Variants in FAM167A observed in about 807,000 individuals in gnomAD.
FAM167A encodes the protein family with sequence similarity 167 member A, also known as protein FAM167A.
Under a neutral mutation model 14.9 loss-of-function variants are expected in FAM167A, and 23 were observed. That is an observed-to-expected ratio of 1.55 (90% CI 1.11 to 2.19). The LOEUF (loss-of-function observed/expected upper bound fraction) is 2.19. Ranked by LOEUF, FAM167A falls within the 30% of genes most tolerant of loss-of-function variation. FAM167A has a pLI of 0.00. For missense variants in FAM167A, 401 were observed against 281.5 expected, an observed-to-expected ratio of 1.42 and a Z score of -3.04; for synonymous variants, 174 against 117.7, an observed-to-expected ratio of 1.48 and a Z score of -3.10.
chr8:11,457,195 G>T (rs1160782265), intron 1 of FAM167A, among the ~76,000 whole-genome samples: 2 of 151,824 alleles, frequency 1.3e-5, no homozygotes, highest in Admixed American at 1.3e-4. Flanking sequence ...TTTTCTCCAA[G>T]CACCCCTGTG....
chr8:11,435,547 C>CACGGCTGG (rs759109310), intron 2 of FAM167A, among the ~76,000 whole-genome samples: 22 of 152,180 alleles, frequency 1.4e-4, no homozygotes, highest in African/African-American at 3.4e-4. Context: ...TACCTGTCTC[C>CACGGCTGG]ACGGCTGGGA....
chr8:11,447,912 T>C (rs535304051), intron 1 of FAM167A, among the ~76,000 whole-genome samples: 2 of 152,308 alleles, frequency 1.3e-5, no homozygotes, highest in East Asian at 1.9e-4. Flanking sequence ...GTTCTAAGAA[T>C]TGGCCGGGCG....
intron 1 of FAM167A, among the ~76,000 whole-genome samples, chr8:11,456,188 A>G (rs910938886): frequency 0.12 from 429 of 3,468 alleles, 6 homozygotes; most frequent in South Asian, 0.25. Context: ...GTGTGTGTGA[A>G]TGTGGGGGGT....
At chr8:11,443,583 A>C (rs1806572147) in intron 2 of FAM167A, 1 of 175,598 alleles carries the variant, frequency 5.7e-6, no homozygotes, top group Non-Finnish European at 1.2e-5. Flanking sequence ...CCATGGAGCC[A>C]CCCGGCCAGC....
intron 2 of FAM167A, among the ~76,000 whole-genome samples, chr8:11,424,880 T>C (rs1229064724): frequency 1.3e-5 from 2 of 152,202 alleles, no homozygotes; most frequent in African/African-American, 2.4e-5. Flanking sequence ...CTGAAAGACA[T>C]GCATATTGGT....
intron 2 of FAM167A, among the ~76,000 whole-genome samples, chr8:11,439,274 G>A (rs1806272535): frequency 6.6e-6 from 1 of 152,254 alleles, no homozygotes; most frequent in African/African-American, 2.4e-5. Flanking sequence ...TTCCCTAGAT[G>A]GGGGGTATCA....
At chr8:11,469,528 A>C (rs1031303411), upstream of FAM167A, among the ~76,000 whole-genome samples, 2 of 152,168 alleles carry the variant, frequency 1.3e-5, no homozygotes, top group African/African-American at 4.8e-5. Flanking sequence ...TGCATGAGAC[A>C]TTGCCTCTTA....
At position 11,422,987 on chromosome 8, in the gene FAM167A, G is replaced by C. The variant is rs1304386247; in HGVS notation, c.*1386C>G. 1.3e-5 allele frequency: 2 copies of C among 152,622 alleles called. No individual in the cohort carries two copies. Among genetic ancestry groups the C allele is most frequent in the African/African-American group, 4.8e-5 (2 of 41,432 alleles). The allele number at this position is 152,622 out of a possible 1,614,324, so 9.5% of individuals were successfully genotyped here. A position where few individuals can be genotyped will look rare whatever the true frequency, so the allele number is the denominator to read the frequency against. ...TTGGCAAAGCATCACGACCATCTTT[G>C]GGGTTCAAGTTCATTGACATGTGAT... On this transcript the variant is annotated 3_prime_UTR_variant, in exon 3 of 3. Coordinates refer to ENST00000284486, the MANE Select transcript of FAM167A (RefSeq NM_053279.3).
intron 1 of FAM167A, among the ~76,000 whole-genome samples, chr8:11,450,907 G>C (rs1806996492): frequency 6.6e-6 from 1 of 152,190 alleles, no homozygotes; most frequent in Non-Finnish European, 1.5e-5. Context: ...GGCCTGCAGT[G>C]GGACAAAGAC....
intron 1 of FAM167A, among the ~76,000 whole-genome samples, chr8:11,458,920 A>G (rs942442020): frequency 6.6e-5 from 10 of 152,246 alleles, no homozygotes; most frequent in African/African-American, 2.2e-4. Flanking sequence ...GAGAGGCTGG[A>G]ACGGCACTGC....
At chr8:11,436,942 C>T (rs957496244) in intron 2 of FAM167A, among the ~76,000 whole-genome samples, 1 of 152,200 alleles carries the variant, frequency 6.6e-6, no homozygotes, top group Non-Finnish European at 1.5e-5. Context: ...AAATAGGGCT[C>T]CCAGGCACCT....
intron 1 of FAM167A, among the ~76,000 whole-genome samples, chr8:11,463,742 G>A (rs909574023): frequency 3.9e-5 from 6 of 152,210 alleles, no homozygotes; most frequent in Admixed American, 6.5e-5. Context: ...TGAAGAAATG[G>A]GGGCTTGGTC....
intron 2 of FAM167A, among the ~76,000 whole-genome samples, chr8:11,430,830 G>A (rs890967523): frequency 6.6e-6 from 1 of 152,168 alleles, no homozygotes; most frequent in Non-Finnish European, 1.5e-5. Flanking sequence ...CAAGGGGAAG[G>A]TCAGCCGAGG....
At chr8:11,426,035 A>G (rs1040582695) in intron 2 of FAM167A, among the ~76,000 whole-genome samples, 5 of 152,202 alleles carry the variant, frequency 3.3e-5, no homozygotes, top group Admixed American at 6.5e-5. Context: ...TATTTTCTCT[A>G]AAGGCTTCTA....
At chr8:11,470,313 G>C (rs12682340), upstream of FAM167A, among the ~76,000 whole-genome samples, 34 of 152,292 alleles carry the variant, frequency 2.2e-4, no homozygotes, top group South Asian at 7.1e-3. Flanking sequence ...GTGGTGTCTT[G>C]GGGAAGGGTG....
chr8:11,472,208 C>A (rs147498323), upstream of FAM167A, among the ~76,000 whole-genome samples: 303 of 152,272 alleles, frequency 2.0e-3, 1 homozygote, highest in Middle Eastern at 6.8e-3. Flanking sequence ...GATTACGCAG[C>A]ACACCGCACA....
intron 2 of FAM167A, chr8:11,435,134 C>T (rs79325210): frequency 6.2e-4 from 283 of 456,680 alleles, no homozygotes; most frequent in Non-Finnish European, 1.0e-3. Flanking sequence ...CCCTTGACCT[C>T]TCCAGCCTCC....
At chr8:11,459,088 CT>C (rs1167567409) in intron 1 of FAM167A, among the ~76,000 whole-genome samples, 1 of 152,216 alleles carries the variant, frequency 6.6e-6, no homozygotes, top group Non-Finnish European at 1.5e-5. Context: ...TCACCCATTT[CT>C]CTATTTCTCA....
chr8:11,439,641 G>A (rs1166616970), intron 2 of FAM167A, among the ~76,000 whole-genome samples: 4 of 151,690 alleles, frequency 2.6e-5, no homozygotes, highest in Non-Finnish European at 4.4e-5. Flanking sequence ...GAGGGTGTCT[G>A]CAGGGATCAC....
Sources: allele counts gnomAD v4.1 joint callset (sites outside exome capture counted in the v4.1 genomes callset), GRCh38; gene constraint gnomAD v4.1.1; transcripts MANE v1.5; gene names NCBI Gene and HGNC (gene_info 2026-07-23, HGNC 2026-07-21).